SYN3: variants seen among roughly 807,000 people sequenced by gnomAD.
SYN3 encodes synapsin III.
Under a neutral mutation model 65.8 loss-of-function variants are expected in SYN3, and 35 were observed. That is an observed-to-expected ratio of 0.53 (90% CI 0.41 to 0.70). The LOEUF (loss-of-function observed/expected upper bound fraction) is 0.70. SYN3 is among the 30% of genes least tolerant of loss of function. The pLI is 0.00. For missense variants in SYN3, 680 were observed against 749.0 expected (o/e 0.91, Z 1.08); for synonymous variants, 270 against 292.9 (o/e 0.92, Z 0.80).
chr22:32,859,708 C>A (rs975853753), intron 6 of SYN3: 5 of 321,516 alleles, frequency 1.6e-5, no homozygotes, highest in African/African-American at 1.1e-4. Flanking sequence ...AAAAACTACT[C>A]CATTTGAGGA....
chr22:32,643,805 C>A (rs1359757642), intron 6 of SYN3, among the ~76,000 whole-genome samples: 1 of 151,584 alleles, frequency 6.6e-6, no homozygotes, highest in Admixed American at 6.6e-5. Context: ...AAGAAAGAGA[C>A]AAGGGGCCGG....
intron 6 of SYN3, among the ~76,000 whole-genome samples, chr22:32,632,279 C>G (rs534134859): frequency 6.6e-6 from 1 of 152,182 alleles, no homozygotes; most frequent in Non-Finnish European, 1.5e-5. Context: ...GAACTGGCAA[C>G]CTGGACCTGG....
At chr22:32,930,808 T>C (rs1023237522) in intron 4 of SYN3, among the ~76,000 whole-genome samples, 2 of 152,192 alleles carry the variant, frequency 1.3e-5, no homozygotes, top group Non-Finnish European at 1.5e-5. Flanking sequence ...TACATTCTTG[T>C]CATTTTTGGC....
At chr22:32,646,290 G>A (rs1279871125) in intron 6 of SYN3, among the ~76,000 whole-genome samples, 1 of 152,162 alleles carries the variant, frequency 6.6e-6, no homozygotes. Flanking sequence ...CCACTGTCTT[G>A]GAACTAACTC....
chr22:32,651,269 A>C (rs952022878), intron 6 of SYN3, among the ~76,000 whole-genome samples: 8 of 152,144 alleles, frequency 5.3e-5, no homozygotes, highest in Non-Finnish European at 1.2e-4. Flanking sequence ...ACTTGATGCC[A>C]GCATTGATGT....
chr22:32,635,145 T>A (rs2059798155), intron 6 of SYN3: 1 of 152,194 alleles, frequency 6.6e-6, no homozygotes, highest in South Asian at 2.1e-4. Context: ...CCGACCCTGC[T>A]TAGTTTCCAA....
chr22:32,757,011 C>T (rs2045309228), intron 6 of SYN3, among the ~76,000 whole-genome samples: 1 of 148,682 alleles, frequency 6.7e-6, no homozygotes, highest in South Asian at 2.1e-4. Flanking sequence ...TCAAATAAAG[C>T]AAAGTATAAT....
At chr22:32,879,860 A>G (rs2049081056) in intron 4 of SYN3, among the ~76,000 whole-genome samples, 1 of 152,246 alleles carries the variant, frequency 6.6e-6, no homozygotes, top group Non-Finnish European at 1.5e-5. Context: ...CTGAAAACAG[A>G]GGATCAGAAA....
intron 1 of SYN3, among the ~76,000 whole-genome samples, chr22:33,050,766 C>G (rs1357733656): frequency 6.6e-6 from 1 of 152,178 alleles, no homozygotes; most frequent in Admixed American, 6.5e-5. Flanking sequence ...CTGCACAGCT[C>G]TAAATACCAG....
At position 33,006,619 on chromosome 22, in the gene SYN3, G is replaced by C; in HGVS notation, c.44C>G (p.Ala15Gly). ...RRRLSDSSFM[A>G]NLPNGYMTDL... ...CGTCATATAGCCATTAGGCAGGTTG[G>C]CCATGAAGCTGCTGTCAGAGAGACG... is the stretch of plus-strand genomic sequence containing the variant. Residue 15 changes from alanine to glycine, a missense_variant, in exon 2 of 14, where the codon GCC becomes GGC. Physicochemically the swap from Ala to Gly is moderately conservative, Grantham distance 60 (BLOSUM62 0). Coordinates refer to ENST00000358763, the MANE Select transcript of SYN3 (RefSeq NM_003490.4). 1 of 1,604,690 alleles carries C rather than the reference G, an allele frequency of 6.2e-7. No individual in the cohort carries two copies. Among genetic ancestry groups the C allele is most frequent in the Non-Finnish European group, 8.5e-7 (1 of 1,174,852 alleles).
chr22:32,934,446 C>T (rs57812631), intron 3 of SYN3, among the ~76,000 whole-genome samples: 1,819 of 152,256 alleles, frequency 0.012, 50 homozygotes, highest in African/African-American at 0.041. Flanking sequence ...TGAATAATTA[C>T]AGGAGATAAC....
Position 32,957,392 on chromosome 22 carries a change from G to A in SYN3, c.369+23253C>T, listed in dbSNP as rs117670634. Among the ~76,000 whole-genome samples, 100 of 152,276 alleles carry A rather than the reference G, an allele frequency of 6.6e-4. No homozygotes were observed. In the East Asian group the frequency reaches 0.01, roughly 16 times the overall value. ...CTTCCACAAGAAAATGAACATCGCC[G>A]GGATGCAGGATGGCTTAGCACTTCT... On this transcript the variant is annotated intron_variant, in intron 3 of 13. Transcript: ENST00000358763.
At chr22:32,976,802 G>A (rs1451214125) in intron 3 of SYN3, among the ~76,000 whole-genome samples, 2 of 152,164 alleles carry the variant, frequency 1.3e-5, no homozygotes, top group Non-Finnish European at 2.9e-5. Context: ...GAGAGAAGGG[G>A]CGGAGGCTTC....
intron 6 of SYN3, among the ~76,000 whole-genome samples, chr22:32,652,240 C>A (rs899007783): frequency 6.6e-6 from 1 of 152,254 alleles, no homozygotes; most frequent in South Asian, 2.1e-4. Flanking sequence ...TTAGAACAGC[C>A]GGCCAGATTT....
intron 4 of SYN3, among the ~76,000 whole-genome samples, chr22:32,909,353 T>C (rs931705709): frequency 1.3e-5 from 2 of 152,194 alleles, no homozygotes; most frequent in Non-Finnish European, 2.9e-5. Flanking sequence ...TGACTTTGCC[T>C]CTCTGAACCT....
intron 6 of SYN3, among the ~76,000 whole-genome samples, chr22:32,805,234 C>T (rs1206290546): frequency 4.6e-5 from 7 of 152,152 alleles, no homozygotes; most frequent in Non-Finnish European, 8.8e-5. Context: ...GCATGAGGCT[C>T]AGCTGGGGGG....
intron 1 of SYN3, among the ~76,000 whole-genome samples, chr22:33,030,047 G>A (rs938031653): frequency 1.3e-5 from 2 of 152,162 alleles, no homozygotes; most frequent in African/African-American, 4.8e-5. Flanking sequence ...CCTGACGTGA[G>A]GTGGTCTGTG....
At chr22:32,787,571 A>G (rs947741511) in intron 6 of SYN3, among the ~76,000 whole-genome samples, 1 of 152,180 alleles carries the variant, frequency 6.6e-6, no homozygotes, top group Non-Finnish European at 1.5e-5. Context: ...TCAAAAAAAT[A>G]TTTACTGAGC....
intron 3 of SYN3, among the ~76,000 whole-genome samples, chr22:32,957,073 G>C (rs573553880): frequency 3.2e-4 from 48 of 152,292 alleles, no homozygotes; most frequent in African/African-American, 1.1e-3. Context: ...TATTGGGAAG[G>C]ACTTTGGCTA....
Sources: allele counts gnomAD v4.1 joint callset (sites outside exome capture counted in the v4.1 genomes callset), GRCh38; gene constraint gnomAD v4.1.1; transcripts MANE v1.5; gene names NCBI Gene and HGNC (gene_info 2026-07-23, HGNC 2026-07-21).